Variants in EIF3L observed in about 807,000 individuals in gnomAD.
The protein encoded by EIF3L is eIEF associated protein HSPC021.
In EIF3L, 32 loss-of-function variants were observed where a neutral mutation model predicts 74.6. The observed-to-expected ratio is 0.43, with a 90% CI of 0.32 to 0.58. The LOEUF (loss-of-function observed/expected upper bound fraction) is 0.58. Ranked by LOEUF, EIF3L falls within the 20% of genes least tolerant of loss-of-function variation. The pLI, the probability that EIF3L is intolerant of heterozygous loss-of-function variation, is 0.06. For missense variants in EIF3L, 474 were observed against 707.8 expected (o/e 0.67, Z 3.75); for synonymous variants, 256 against 254.4 (o/e 1.01, Z -0.06).
At chr22:37,859,115 CTG>C (rs1275725375) in intron 5 of EIF3L, among the ~76,000 whole-genome samples, 1 of 151,672 alleles carries the variant, frequency 6.6e-6, no homozygotes, top group Non-Finnish European at 1.5e-5. Context: ...GTACATAACA[CTG>C]TCACTGTATG....
At chr22:37,874,985 C>T (rs899604076) in intron 9 of EIF3L, among the ~76,000 whole-genome samples, 19 of 149,764 alleles carry the variant, frequency 1.3e-4, no homozygotes, top group African/African-American at 3.4e-4. Context: ...CCTCGTGATC[C>T]GCCTACCTCG....
At chr22:37,860,547 A>C (rs1201584029) in intron 5 of EIF3L, among the ~76,000 whole-genome samples, 1 of 151,968 alleles carries the variant, frequency 6.6e-6, no homozygotes, top group Non-Finnish European at 1.5e-5. Flanking sequence ...TAATTTTTGT[A>C]TTTTTAGTAG....
At chr22:37,851,532 T>C in intron 3 of EIF3L, 42 bp downstream of exon 3, 1 of 1,308,772 alleles carries the variant, frequency 7.6e-7, no homozygotes, top group Non-Finnish European at 1.0e-6. Context: ...TGGGTGGGAC[T>C]GGCCTGGTAA....
chr22:37,875,883 T>C lies in EIF3L; in HGVS notation c.949T>C (p.Tyr317His), dbSNP rs1000404223. ...GCCAGAGTGCCAGGTCACCACATACTATTATGTTGGGTTTGCATATTTGAT... is the reference window on the plus strand; with the variant it reads ...GCCAGAGTGCCAGGTCACCACATACCATTATGTTGGGTTTGCATATTTGAT... ...RVPECQVTTYYYVGFAYLMMR... is the reference protein window; with the variant it reads ...RVPECQVTTYHYVGFAYLMMR... Residue 317 changes from tyrosine to histidine, a missense_variant, in exon 10 of 13, where the codon TAT becomes CAT. By Grantham distance (83) the Tyr-to-His change is moderately conservative. Coordinates refer to ENST00000652021, the MANE Select transcript of EIF3L (RefSeq NM_016091.4). 1 of 1,614,078 alleles carries C rather than the reference T, an allele frequency of 6.2e-7. No homozygotes were observed. Among genetic ancestry groups the C allele is most frequent in the Non-Finnish European group, 8.5e-7 (1 of 1,180,028 alleles).
rs933836628 is a variant in EIF3L, at chr22:37,855,601, A to G, written c.330A>G (p.Thr110=). The stretch of plus-strand genomic sequence containing the variant: ...TGACTGAAAGATTCTTCAAGAATAC[A>G]CCTTGGCCCGAGGCTGAAGCCATTG... ...TKLTERFFKN[T]PWPEAEAIAP... is the part of the protein sequence containing the mutation. The change falls in exon 4 of 13, where the codon ACA becomes ACG. Residue 110 remains threonine (T), a synonymous_variant. Transcript: ENST00000652021. The G allele has an allele frequency of 4.3e-5, 69 of 1,614,080 alleles. No homozygotes were observed. Among genetic ancestry groups the G allele is most frequent in the Non-Finnish European group, 5.3e-5 (62 of 1,180,038 alleles).
intron 11 of EIF3L, chr22:37,885,874 C>A (rs941485927): frequency 5.5e-5 from 8 of 145,778 alleles, no homozygotes; most frequent in African/African-American, 1.5e-4. Flanking sequence ...GCCCAGCCAG[C>A]ATAAACATCT....
At chr22:37,871,595 C>G (rs915882869) in intron 8 of EIF3L, among the ~76,000 whole-genome samples, 1 of 152,156 alleles carries the variant, frequency 6.6e-6, no homozygotes, top group Non-Finnish European at 1.5e-5. Flanking sequence ...GGGCCGGGTG[C>G]CATGGCTCAC....
Position 37,888,588 on chromosome 22 carries a change from G to T in EIF3L, c.*124G>T. The T allele has an allele frequency of 9.9e-7, 1 of 1,008,374 alleles. No individual in the cohort carries two copies. Among genetic ancestry groups the T allele is most frequent in the South Asian group, 1.4e-5 (1 of 69,154 alleles). 62.5% of individuals were successfully genotyped at this position (1,008,374 alleles called of 1,614,324 possible). ...CAACTCAGTTAACAAGTTAAGGACC[G>T]AAGTGTTTCAAGTGGATCTCAGTAA... On this transcript the variant is annotated 3_prime_UTR_variant, in exon 13 of 13. Transcript: ENST00000652021.
chr22:37,866,918 CAAGAT>C (rs1447886852), intron 7 of EIF3L, among the ~76,000 whole-genome samples: 11 of 152,278 alleles, frequency 7.2e-5, no homozygotes, highest in Non-Finnish European at 1.6e-4. Flanking sequence ...GTGCCACAAT[CAAGAT>C]AAAAGAACGT....
chr22:37,874,625 G>T (rs2145831342), intron 9 of EIF3L, 101 bp downstream of exon 9: 5 of 1,343,742 alleles, frequency 3.7e-6, no homozygotes, highest in Non-Finnish European at 5.0e-6. Flanking sequence ...GAGGAAAGAG[G>T]ACTGTTCCCT....
intron 5 of EIF3L, among the ~76,000 whole-genome samples, chr22:37,862,656 T>A (rs1033421294): frequency 7.2e-5 from 11 of 152,224 alleles, no homozygotes; most frequent in African/African-American, 2.4e-4. Flanking sequence ...TGCCACGATT[T>A]AACTTCTTCG....
intron 4 of EIF3L, among the ~76,000 whole-genome samples, chr22:37,856,583 G>A (rs998756375): frequency 3.3e-5 from 5 of 152,156 alleles, no homozygotes; most frequent in African/African-American, 1.2e-4. Context: ...AGTGGCTCAC[G>A]CCTGTAATCC....
Position 37,850,015 on chromosome 22 carries a change from G to C in EIF3L, c.34G>C (p.Ala12Pro). 1 of 1,613,694 alleles carries C rather than the reference G, an allele frequency of 6.2e-7. No individual in the cohort carries two copies. The highest frequency in any genetic ancestry group is 1.1e-5 in the South Asian group (1 of 91,080). ...SYPADDYESE[A>P]AYDPYAYPSD... Reference sequence around the variant, plus strand: ...CTTGACTGTGTCTCTTTCCTTCTAGGCGGCTTATGACCCCTACGCTTATCC... The same window carrying C: ...CTTGACTGTGTCTCTTTCCTTCTAGCCGGCTTATGACCCCTACGCTTATCC... Residue 12 changes from alanine (A) to proline (P), a missense_variant and splice_region_variant, in exon 2 of 13, where the codon GCG (alanine) becomes CCG (proline). Physicochemically the swap from Ala to Pro is conservative, Grantham distance 27. This residue lies in a region of EIF3L where 39 missense variants were observed against 24.2 expected (regional missense o/e 1.61). Transcript: ENST00000652021.
At chr22:37,866,331 G>T (rs1926149293) in intron 7 of EIF3L, among the ~76,000 whole-genome samples, 1 of 152,178 alleles carries the variant, frequency 6.6e-6, no homozygotes, top group African/African-American at 2.4e-5. Context: ...GAACCTTTGG[G>T]TTGTCAGTTT....
Position 37,888,561 on chromosome 22 carries a change from GTCAAC to G in EIF3L, c.*101_*105del. 2 of 1,272,492 alleles carry G rather than the reference GTCAAC, an allele frequency of 1.6e-6. No individual in the cohort carries two copies. Among genetic ancestry groups the G allele is most frequent in the East Asian group, 4.7e-5 (2 of 42,970 alleles). The allele number at this position is 1,272,492 out of a possible 1,614,324, so 78.8% of individuals were successfully genotyped here. On this transcript the variant is annotated 3_prime_UTR_variant, in exon 13 of 13. Coordinates refer to ENST00000652021, the MANE Select transcript of EIF3L (RefSeq NM_016091.4). Reference sequence around the variant, plus strand: ...CTTTACCTAGATCAGCCATCAGCCTGTCAACTCAGTTAACAAGTTAAGGACCGAAG... The same window carrying G: ...CTTTACCTAGATCAGCCATCAGCCTGTCAGTTAACAAGTTAAGGACCGAAG...
At position 37,859,374 on chromosome 22, in the gene EIF3L, C is replaced by CTTTTTTTTTTTTTTTTTT. The variant is rs34020382; in HGVS notation, c.435+638_435+655dup. ...CTAAATTATAGAGTACGTGAAGTTT[C>CTTTTTTTTTTTTTTTTTT]TTTTTTTTTTTTTTTTTTTTTGAGA... On this transcript the variant is annotated intron_variant, in intron 5 of 12. Coordinates refer to ENST00000652021, the MANE Select transcript of EIF3L (RefSeq NM_016091.4). 1.3e-4 allele frequency among the ~76,000 whole-genome samples: 10 copies of CTTTTTTTTTTTTTTTTTT among 79,144 alleles called. 1 individual carries two copies. Among genetic ancestry groups the CTTTTTTTTTTTTTTTTTT allele is most frequent in the East Asian group, 8.8e-4 (2 of 2,274 alleles). 51.9% of individuals were successfully genotyped at this position (79,144 alleles called of 152,430 possible).
At position 37,877,904 on chromosome 22, in the gene EIF3L, C is replaced by A. The variant is rs748727702; in HGVS notation, c.1308C>A (p.His436Gln). Reference protein sequence around the residue: ...PNYDNVHPNYHKEPFLQQLKV... With the variant: ...PNYDNVHPNYQKEPFLQQLKV... Reference sequence around the variant, plus strand: ...ATGATAATGTGCACCCCAACTACCACAAAGAGCCCTTCCTGCAGCAGCTGA... The same window carrying A: ...ATGATAATGTGCACCCCAACTACCAAAAAGAGCCCTTCCTGCAGCAGCTGA... The change falls in exon 11 of 13, where the codon CAC (histidine) becomes CAA (glutamine). Residue 436 changes from histidine (H) to glutamine (Q), a missense_variant. Physicochemically the swap from His to Gln is conservative, Grantham distance 24. Transcript: ENST00000652021. The A allele has an allele frequency of 5.0e-6, 8 of 1,612,998 alleles. No individual in the cohort carries two copies. The highest frequency in any genetic ancestry group is 6.8e-6 in the Non-Finnish European group (8 of 1,179,874).
chr22:37,878,024 T>C lies in EIF3L; in HGVS notation c.1428T>C (p.Ala476=). 1 of 1,613,962 alleles carries C rather than the reference T, an allele frequency of 6.2e-7. No homozygotes were observed. Among genetic ancestry groups the C allele is most frequent in the Non-Finnish European group, 8.5e-7 (1 of 1,180,030 alleles). ...LYTTMPVAKL[A]GFLDLTEQEF... ...CCACCATGCCTGTGGCCAAGCTGGC[T>C]GGCTTCCTGGACCTCACAGAGCAGG... The change falls in exon 11 of 13, where the codon GCT becomes GCC. Residue 476 remains alanine, a synonymous_variant. Coordinates refer to ENST00000652021, the MANE Select transcript of EIF3L (RefSeq NM_016091.4).
intron 11 of EIF3L, chr22:37,878,470 G>GTT: frequency 5.4e-5 from 11 of 202,018 alleles, no homozygotes; most frequent in Admixed American, 5.0e-4. Context: ...TTTTGTTTTG[G>GTT]TTTTTTTTTT....
Sources: gnomAD v4.1 joint callset for allele counts (sites outside exome capture counted in the v4.1 genomes callset) on GRCh38, gnomAD v4.1.1 for gene constraint, gnomAD v4.1.1 regional missense constraint, MANE v1.5 for transcripts, NCBI Gene and HGNC (gene_info 2026-07-23, HGNC 2026-07-21) for gene names.